The following CDH6 variants were observed in gnomAD, a reference collection of about 807,000 sequenced individuals.
The protein encoded by CDH6 is cadherin 6.
In CDH6, 31 loss-of-function variants were observed where a neutral mutation model predicts 78.0. The ratio of observed to expected loss-of-function variants is 0.40; its 90% CI spans 0.30 to 0.54. The LOEUF (loss-of-function observed/expected upper bound fraction) is 0.54, where lower values mean the gene tolerates loss of function less well. Among genes scored for constraint, CDH6 ranks in the 20% least tolerant of loss-of-function variants. The pLI, the probability that CDH6 is intolerant of heterozygous loss-of-function variation, is 0.56. For missense variants in CDH6, 724 were observed against 975.9 expected, an observed-to-expected ratio of 0.74 and a Z score of 3.44; for synonymous variants, 376 against 368.8, an observed-to-expected ratio of 1.02 and a Z score of -0.23.
chr5:31,253,994 A>C (rs770630795), intron 1 of CDH6, among the ~76,000 whole-genome samples: 12 of 152,236 alleles, frequency 7.9e-5, no homozygotes, highest in Non-Finnish European at 1.3e-4. Flanking sequence ...CAAAAATATT[A>C]CATGGAAAAT....
At chr5:31,212,217 G>T (rs928823343) in intron 1 of CDH6, among the ~76,000 whole-genome samples, 5 of 152,152 alleles carry the variant, frequency 3.3e-5, no homozygotes, top group African/African-American at 1.2e-4. Flanking sequence ...TCCACAAGGG[G>T]CCTAGCATGT....
At chr5:31,201,680 A>G (rs147358710) in intron 1 of CDH6, among the ~76,000 whole-genome samples, 1 of 152,320 alleles carries the variant, frequency 6.6e-6, no homozygotes, top group African/African-American at 2.4e-5. Context: ...ATGAAATCCA[A>G]AAGTCTGGGG....
At chr5:31,273,236 A>G (rs1287535668) in intron 2 of CDH6, among the ~76,000 whole-genome samples, 1 of 152,206 alleles carries the variant, frequency 6.6e-6, no homozygotes, top group Non-Finnish European at 1.5e-5. Flanking sequence ...AAATTCTTAC[A>G]CTAATTTTTT....
chr5:31,283,673 C>T (rs1016724215), intron 2 of CDH6, among the ~76,000 whole-genome samples: 1 of 151,714 alleles, frequency 6.6e-6, no homozygotes, highest in Non-Finnish European at 1.5e-5. Flanking sequence ...TTATAAAAAT[C>T]AATTAAATCA....
In CDH6 at chr5:31,198,431, G is replaced by A. The variant is rs548478454; in HGVS notation, c.-129+4545G>A. Reference sequence around the variant, plus strand: ...GGTTTGCAAGCTTTTCTTAGTGTATGTGGTACTATCTTGTGGGAGAAACGA... The same window carrying A: ...GGTTTGCAAGCTTTTCTTAGTGTATATGGTACTATCTTGTGGGAGAAACGA... On this transcript the variant is annotated intron_variant, in intron 1 of 11. Transcript: ENST00000265071. 5.9e-5 allele frequency among the ~76,000 whole-genome samples: 9 copies of A among 152,276 alleles called. No homozygotes were observed. The East Asian group carries it at 1.7e-3, about 29-fold the overall frequency.
At chr5:31,236,090 T>C (rs1014057639) in intron 1 of CDH6, among the ~76,000 whole-genome samples, 4 of 152,300 alleles carry the variant, frequency 2.6e-5, no homozygotes, top group South Asian at 4.1e-4. Flanking sequence ...TGCCTAAAAA[T>C]ATATAACAAT....
intron 7 of CDH6, among the ~76,000 whole-genome samples, chr5:31,308,008 T>C (rs561523265): frequency 1.5e-4 from 23 of 152,304 alleles, no homozygotes; most frequent in African/African-American, 5.5e-4. Context: ...GAAATACTTA[T>C]AGATATATTG....
At chr5:31,244,649 G>A (rs1463081039) in intron 1 of CDH6, among the ~76,000 whole-genome samples, 2 of 152,182 alleles carry the variant, frequency 1.3e-5, no homozygotes, top group African/African-American at 4.8e-5. Flanking sequence ...TATTTCCCAT[G>A]GACCAGATGT....
At chr5:31,284,657 C>T (rs1247089521) in intron 2 of CDH6, among the ~76,000 whole-genome samples, 3 of 152,194 alleles carry the variant, frequency 2.0e-5, no homozygotes, top group Non-Finnish European at 4.4e-5. Flanking sequence ...CATAGCCAGA[C>T]CTCGAGGGCA....
chr5:31,318,077 A>G, intron 11 of CDH6, 153 bp downstream of exon 11: 1 of 938,646 alleles, frequency 1.1e-6, no homozygotes, highest in Non-Finnish European at 1.7e-6. Context: ...GTACGATGTG[A>G]ACTCATTTTT....
At chr5:31,248,995 G>C (rs1263127923) in intron 1 of CDH6, among the ~76,000 whole-genome samples, 1 of 151,762 alleles carries the variant, frequency 6.6e-6, no homozygotes, top group Non-Finnish European at 1.5e-5. Context: ...GGAATGCAGA[G>C]GGTTTTTTTT....
chr5:31,247,534 G>A (rs529363173), intron 1 of CDH6, among the ~76,000 whole-genome samples: 3 of 152,164 alleles, frequency 2.0e-5, no homozygotes, highest in Non-Finnish European at 2.9e-5. Context: ...TGTGGCAGGT[G>A]TCTTGGTGTC....
At chr5:31,291,583 A>G (rs2149945969) in intron 2 of CDH6, among the ~76,000 whole-genome samples, 1 of 151,894 alleles carries the variant, frequency 6.6e-6, no homozygotes, top group African/African-American at 2.4e-5. Flanking sequence ...AAGAATGAAC[A>G]TGGCTCATGC....
chr5:31,238,761 C>T (rs915871021), intron 1 of CDH6, among the ~76,000 whole-genome samples: 6 of 152,158 alleles, frequency 3.9e-5, no homozygotes, highest in African/African-American at 7.2e-5. Context: ...CCAATAGACA[C>T]GTGTAGCTAA....
intron 7 of CDH6, among the ~76,000 whole-genome samples, chr5:31,306,911 T>G (rs1738006906): frequency 6.6e-6 from 1 of 152,132 alleles, no homozygotes; most frequent in Admixed American, 6.5e-5. Context: ...TAGGGGACCA[T>G]TTAGTAAAGA....
chr5:31,245,128 G>C (rs1741708054), intron 1 of CDH6, among the ~76,000 whole-genome samples: 1 of 152,180 alleles, frequency 6.6e-6, no homozygotes, highest in African/African-American at 2.4e-5. Flanking sequence ...TCCCAGTGGA[G>C]GAGGGAAGAT....
rs74819629 is a variant in CDH6, at chr5:31,213,639, C to G, written c.-129+19753C>G. ...AAAGCCTTTTCGGAAGTAGTTTCCT[C>G]TTTTCCTGTTGGACTGTCAGTTGGC... On this transcript the variant is annotated intron_variant, in intron 1 of 11. Coordinates refer to ENST00000265071, the MANE Select transcript of CDH6 (RefSeq NM_004932.4). 1.8e-3 allele frequency among the ~76,000 whole-genome samples: 275 copies of G among 152,276 alleles called. 1 individual carries two copies. The highest frequency in any genetic ancestry group is 6.4e-3 in the African/African-American group (264 of 41,552).
intron 1 of CDH6, among the ~76,000 whole-genome samples, chr5:31,211,090 G>T (rs1740692925): frequency 6.6e-6 from 1 of 152,108 alleles, no homozygotes; most frequent in South Asian, 2.1e-4. Flanking sequence ...GTGGGTTTTT[G>T]GTGTGTTTGT....
chr5:31,281,144 C>T (rs749744375), intron 2 of CDH6, among the ~76,000 whole-genome samples: 1 of 152,122 alleles, frequency 6.6e-6, no homozygotes. Context: ...TAATATCCAA[C>T]ATATTTTTTA....
Sources: allele counts gnomAD v4.1 joint callset (sites outside exome capture counted in the v4.1 genomes callset), GRCh38; gene constraint gnomAD v4.1.1; transcripts MANE v1.5; gene names NCBI Gene and HGNC (gene_info 2026-07-23, HGNC 2026-07-21).